Variants in ASPA observed in about 807,000 individuals in gnomAD.
ASPA encodes the protein ACY-2.
Under a neutral mutation model 29.6 loss-of-function variants are expected in ASPA, and 25 were observed. The ratio of observed to expected loss-of-function variants is 0.85; its 90% confidence interval spans 0.62 to 1.18. The LOEUF is 1.18. ASPA is among the 50% of genes most tolerant of loss of function. The probability of loss-of-function intolerance (pLI) is 0.00; values close to 1 mark genes in which losing one functional copy is unlikely to be tolerated. For synonymous variants in ASPA, 131 were observed against 130.3 expected, an observed-to-expected ratio of 1.01 and a Z score of -0.04; for missense variants, 333 against 385.7, an observed-to-expected ratio of 0.86 and a Z score of 1.14.
At chr17:3,496,685 C>T (rs1320645116) in intron 5 of ASPA, among the ~76,000 whole-genome samples, 1 of 152,166 alleles carries the variant, frequency 6.6e-6, no homozygotes, top group African/African-American at 2.4e-5. Flanking sequence ...TAGGGGACCC[C>T]CTCCCAGTGC....
Position 3,492,384 on chromosome 17 carries a change from TC to T in ASPA, c.635-1964del, listed in dbSNP as rs77979679. Among the ~76,000 whole-genome samples the T allele has an allele frequency of 5.4e-3, 829 of 152,354 alleles. 37 individuals are homozygous for T. In the East Asian group the frequency reaches 0.1, roughly 19 times the overall value. ...TGTGTTCTATCAGTTTTTACTTTCT[TC>T]CTATCCAACTTTTTGGTTTAAAGAA... On this transcript the variant is annotated intron_variant, in intron 4 of 5. Transcript: ENST00000263080.
chr17:3,481,942 G>T, intron 2 of ASPA, 144 bp downstream of exon 2: 1 of 743,896 alleles, frequency 1.3e-6, no homozygotes. Flanking sequence ...GGTGGTTGGG[G>T]GGAAAGGGTG....
rs778039536 is a variant in ASPA, at chr17:3,481,722, C to T, written c.356C>T (p.Thr119Ile). The T allele has an allele frequency of 1.9e-6, 3 of 1,613,694 alleles. No homozygotes were observed. In the African/African-American group the frequency reaches 4.0e-5, roughly 22 times the overall value. ...YDIIFDLHNT[T>I]SNMGCTLILE... The stretch of plus-strand genomic sequence containing the variant: ...ATTATTTTTGACCTTCACAACACCA[C>T]CTCTAACATGGGGTGCACTCTTATT... Residue 119 changes from threonine (T) to isoleucine (I), a missense_variant, in exon 2 of 6, where the codon ACC becomes ATC. Transcript: ENST00000263080.
At chr17:3,495,844 G>A (rs1195375012) in intron 5 of ASPA, among the ~76,000 whole-genome samples, 1 of 152,210 alleles carries the variant, frequency 6.6e-6, no homozygotes, top group Non-Finnish European at 1.5e-5. Context: ...TGGGATTACA[G>A]GCATGAGCCA....
At chr17:3,479,735 A>AC (rs1486780492) in intron 1 of ASPA, among the ~76,000 whole-genome samples, 1 of 151,514 alleles carries the variant, frequency 6.6e-6, no homozygotes, top group East Asian at 1.9e-4. Flanking sequence ...CAAAATAACT[A>AC]CTCCACCTTC....
At chr17:3,489,990 A>G (rs2073796876) in intron 4 of ASPA, among the ~76,000 whole-genome samples, 1 of 152,238 alleles carries the variant, frequency 6.6e-6, no homozygotes, top group Non-Finnish European at 1.5e-5. Context: ...CTAACATGGA[A>G]GAATCTTCAA....
At chr17:3,480,239 G>C (rs2073603883) in intron 1 of ASPA, among the ~76,000 whole-genome samples, 1 of 152,232 alleles carries the variant, frequency 6.6e-6, no homozygotes, top group Admixed American at 6.5e-5. Context: ...AGACAGAGCT[G>C]ATTTATCAAG....
chr17:3,495,730 G>A (rs77700936), intron 5 of ASPA, among the ~76,000 whole-genome samples: 5,548 of 152,044 alleles, frequency 0.036, 246 homozygotes, highest in East Asian at 0.22. Context: ...CACCACACCC[G>A]GCTAACTTTT....
At position 3,490,333 on chromosome 17, in the gene ASPA, T is replaced by C. The variant is rs2073803060; in HGVS notation, c.634+991T>C. On this transcript the variant is annotated intron_variant, in intron 4 of 5. Coordinates refer to ENST00000263080, the MANE Select transcript of ASPA (RefSeq NM_000049.4). This position sits in a 1 kb window ranked among gnomAD's most constrained non-coding sequence, Gnocchi z 4.6. ...TATCTGCTCATTTATTTGGTAAATCTAAAACTGCACTAAAAAGTCTATTAG... is the reference window on the plus strand; with the variant it reads ...TATCTGCTCATTTATTTGGTAAATCCAAAACTGCACTAAAAAGTCTATTAG... Among the ~76,000 whole-genome samples, 1 of 152,242 alleles carries C rather than the reference T, an allele frequency of 6.6e-6. No homozygotes were observed. The highest frequency in any genetic ancestry group is 1.5e-5 in the Non-Finnish European group (1 of 68,048).
At chr17:3,481,919 C>A in intron 2 of ASPA, 121 bp downstream of exon 2, 1 of 944,496 alleles carries the variant, frequency 1.1e-6, no homozygotes, top group Non-Finnish European at 1.6e-6. Context: ...GGGTTTATTC[C>A]ATAGCCAGGC....
At chr17:3,475,871 C>A, upstream of ASPA, 1 of 433,106 alleles carries the variant, frequency 2.3e-6, no homozygotes, top group Non-Finnish European at 4.2e-6. Flanking sequence ...GTATTTAGAT[C>A]TACTGACCAT....
chr17:3,474,974 G>T (rs1437208953), upstream of ASPA, among the ~76,000 whole-genome samples: 1 of 152,170 alleles, frequency 6.6e-6, no homozygotes, highest in Non-Finnish European at 1.5e-5. Flanking sequence ...CTGCAGTGGG[G>T]ATGTCAACAC....
At chr17:3,494,544 G>C (rs1165480945) in intron 5 of ASPA, 85 bp downstream of exon 5, 1 of 1,134,940 alleles carries the variant, frequency 8.8e-7, no homozygotes, top group Non-Finnish European at 1.3e-6. Context: ...AGCACTTCGC[G>C]TACATTCGCC....
intron 3 of ASPA, 71 bp downstream of exon 3, chr17:3,483,663 T>C: frequency 7.1e-7 from 1 of 1,414,022 alleles, no homozygotes; most frequent in African/African-American, 1.4e-5. Context: ...AATTTATTTT[T>C]TATCTTATTT....
At position 3,494,300 on chromosome 17, in the gene ASPA, G is replaced by A. The variant is rs573317342; in HGVS notation, c.635-50G>A. 31 of 1,418,132 alleles carry A rather than the reference G, an allele frequency of 2.2e-5. No individual in the cohort carries two copies. The Middle Eastern group carries it at 1.2e-3, about 56-fold the overall frequency. The allele number at this position is 1,418,132 out of a possible 1,614,324, so 87.8% of individuals were successfully genotyped here. On this transcript the variant is annotated intron_variant, in intron 4 of 5. Transcript: ENST00000263080. Reference sequence around the variant, plus strand: ...ATGACAGGCATGAGCCACCACACCCGGCCCAGAGATGTTTTTAGTTGCCAT... The same window carrying A: ...ATGACAGGCATGAGCCACCACACCCAGCCCAGAGATGTTTTTAGTTGCCAT...
chr17:3,493,265 T>G (rs762669918), intron 4 of ASPA, among the ~76,000 whole-genome samples: 9 of 152,104 alleles, frequency 5.9e-5, no homozygotes, highest in Non-Finnish European at 1.0e-4. Flanking sequence ...TCTAATGTAC[T>G]TAGTTAAGAA....
chr17:3,493,825 G>A (rs1242594068), intron 4 of ASPA, among the ~76,000 whole-genome samples: 5 of 152,046 alleles, frequency 3.3e-5, no homozygotes, highest in Non-Finnish European at 7.4e-5. Context: ...TCTCAAACTG[G>A]CTTTTTCAGT....
At chr17:3,478,209 A>G (rs951193721) in intron 1 of ASPA, among the ~76,000 whole-genome samples, 2 of 151,928 alleles carry the variant, frequency 1.3e-5, no homozygotes, top group African/African-American at 4.8e-5. Flanking sequence ...ATATATATAT[A>G]AGATATGCAC....
intron 4 of ASPA, among the ~76,000 whole-genome samples, chr17:3,491,877 C>CTT (rs540965896): frequency 0.62 from 76,100 of 122,870 alleles, 24,949 homozygotes; most frequent in East Asian, 0.92. Flanking sequence ...CTTTTGTTTT[C>CTT]TTTTTTTTTT....
Sources: gnomAD v4.1 joint callset for allele counts (sites outside exome capture counted in the v4.1 genomes callset) on GRCh38, gnomAD v4.1.1 for gene constraint, Gnocchi (gnomAD v3.1) non-coding constraint, MANE v1.5 for transcripts, NCBI Gene and HGNC (gene_info 2026-07-23, HGNC 2026-07-21) for gene names.